Variants in DNAH7 observed in about 807,000 individuals in gnomAD.
DNAH7 encodes the protein axonemal beta dynein heavy chain 7.
In DNAH7, 397 loss-of-function variants were observed where a neutral mutation model predicts 444.6. The ratio of observed to expected loss-of-function variants is 0.89; its 90% CI spans 0.82 to 0.97. The LOEUF (loss-of-function observed/expected upper bound fraction) is 0.97. Ranked by LOEUF, DNAH7 falls within the 50% of genes least tolerant of loss-of-function variation. DNAH7 has a pLI of 0.00. For synonymous variants in DNAH7, 1,636 were observed against 1,624.4 expected (o/e 1.01, Z -0.17); for missense variants, 4,902 against 4,800.8 (o/e 1.02, Z -0.62).
chr2:195,844,793 C>T (rs1013063308), intron 47 of DNAH7, among the ~76,000 whole-genome samples: 1 of 152,110 alleles, frequency 6.6e-6, no homozygotes, highest in African/African-American at 2.4e-5. Context: ...AAGTACAAGT[C>T]ATCTGGTTCA....
intron 53 of DNAH7, among the ~76,000 whole-genome samples, chr2:195,807,658 C>A (rs1362253450): frequency 2.0e-5 from 3 of 152,026 alleles, no homozygotes; most frequent in African/African-American, 7.2e-5. Context: ...TAAAAAATCA[C>A]AAGAAGAGAG....
At chr2:195,819,342 C>T (rs1418153246) in intron 49 of DNAH7, among the ~76,000 whole-genome samples, 1 of 152,174 alleles carries the variant, frequency 6.6e-6, no homozygotes, top group Non-Finnish European at 1.5e-5. Context: ...GCACAGGGGT[C>T]GTCTCTTATT....
intron 14 of DNAH7, among the ~76,000 whole-genome samples, 174 bp downstream of exon 14, chr2:195,986,891 TA>T (rs1692946824): frequency 1.3e-5 from 2 of 152,222 alleles, no homozygotes; most frequent in African/African-American, 4.8e-5. Flanking sequence ...AAATAATAAA[TA>T]CTAATAATCA....
At chr2:196,064,867 T>G (rs921928589) in intron 1 of DNAH7, among the ~76,000 whole-genome samples, 11 of 152,192 alleles carry the variant, frequency 7.2e-5, no homozygotes, top group African/African-American at 4.8e-5. Flanking sequence ...GTTTCTCTAT[T>G]ACAAAAGATG....
intron 46 of DNAH7, among the ~76,000 whole-genome samples, chr2:195,851,757 T>G (rs1699378079): frequency 6.6e-6 from 1 of 152,170 alleles, no homozygotes; most frequent in African/African-American, 2.4e-5. Flanking sequence ...TCTGCTGAGC[T>G]CTGGAATGCT....
At chr2:195,837,421 T>C (rs1559133101) in intron 47 of DNAH7, among the ~76,000 whole-genome samples, 1 of 152,166 alleles carries the variant, frequency 6.6e-6, no homozygotes, top group Non-Finnish European at 1.5e-5. Flanking sequence ...AAACAACTAC[T>C]TACAGATTCT....
intron 3 of DNAH7, 142 bp downstream of exon 3, chr2:196,051,045 C>T (rs1697433608): frequency 1.5e-6 from 1 of 684,122 alleles, no homozygotes; most frequent in Admixed American, 2.3e-5. Flanking sequence ...GTTATTTGTC[C>T]TAATATGCAC....
rs544441683 is a variant in DNAH7 at position 195,943,908 on chromosome 2, G to A, written c.3079-7116C>T. Among the ~76,000 whole-genome samples, 4 of 152,226 alleles carry A rather than the reference G, an allele frequency of 2.6e-5. No individual in the cohort carries two copies. The South Asian group carries it at 6.2e-4, about 24-fold the overall frequency. On this transcript the variant is annotated intron_variant, in intron 19 of 64. Transcript: ENST00000312428. ...ACCATATAATTAAGTTCCTCCTTTTGCAGTTGCACCTGCTACTAAGCAATC... is the reference window on the plus strand; with the variant it reads ...ACCATATAATTAAGTTCCTCCTTTTACAGTTGCACCTGCTACTAAGCAATC...
intron 63 of DNAH7, 35 bp from the exon 64 acceptor site, chr2:195,740,904 G>C (rs778747438): frequency 2.3e-6 from 3 of 1,310,240 alleles, no homozygotes; most frequent in South Asian, 3.1e-5. Flanking sequence ...TATAACACTT[G>C]AAATATGCAT....
intron 45 of DNAH7, among the ~76,000 whole-genome samples, chr2:195,855,083 T>C (rs774359991): frequency 4.6e-5 from 7 of 152,240 alleles, no homozygotes; most frequent in Non-Finnish European, 8.8e-5. Context: ...TTGATCTTTC[T>C]GTTCTTTAGT....
chr2:195,817,069 A>T, intron 50 of DNAH7, 106 bp from the exon 51 acceptor site: 1 of 805,394 alleles, frequency 1.2e-6, no homozygotes, highest in South Asian at 2.0e-5. Context: ...AAAGAAATGC[A>T]TCACTTTGTG....
At chr2:195,936,112 G>A (rs1487324719) in intron 20 of DNAH7, among the ~76,000 whole-genome samples, 2 of 152,138 alleles carry the variant, frequency 1.3e-5, no homozygotes, top group Non-Finnish European at 2.9e-5. Context: ...GGTGGCTCAC[G>A]CCTGTAATCC....
At chr2:195,870,616 G>A (rs1700621633) in intron 40 of DNAH7, among the ~76,000 whole-genome samples, 1 of 152,178 alleles carries the variant, frequency 6.6e-6, no homozygotes, top group Admixed American at 6.5e-5. Flanking sequence ...TTGCAGTGGA[G>A]ACTCTGGGAG....
intron 24 of DNAH7, among the ~76,000 whole-genome samples, chr2:195,919,885 T>C (rs1191309204): frequency 6.6e-6 from 1 of 152,156 alleles, no homozygotes; most frequent in African/African-American, 2.4e-5. Flanking sequence ...AATGTAAATG[T>C]AAGTATCTAT....
At chr2:195,789,979 C>T (rs921393201) in intron 57 of DNAH7, among the ~76,000 whole-genome samples, 14 of 152,122 alleles carry the variant, frequency 9.2e-5, no homozygotes, top group African/African-American at 3.4e-4. Context: ...AGTAAAGTTT[C>T]AGAATACAAA....
At chr2:195,758,493 G>C (rs1398292112) in intron 61 of DNAH7, among the ~76,000 whole-genome samples, 1 of 152,106 alleles carries the variant, frequency 6.6e-6, no homozygotes, top group African/African-American at 2.4e-5. Context: ...GAGCAAGATG[G>C]CCAATAGAAG....
intron 39 of DNAH7, among the ~76,000 whole-genome samples, chr2:195,872,752 C>T (rs1700795444): frequency 6.6e-6 from 1 of 152,086 alleles, no homozygotes; most frequent in African/African-American, 2.4e-5. Context: ...ACAGAAGAGA[C>T]AGCCAAGGAA....
intron 61 of DNAH7, among the ~76,000 whole-genome samples, chr2:195,762,510 A>C (rs1033632523): frequency 6.6e-6 from 1 of 152,212 alleles, no homozygotes; most frequent in African/African-American, 2.4e-5. Context: ...ATAAAGATAC[A>C]TATAGACTGA....
In DNAH7 at chr2:195,941,451, C is replaced by CAAAAAA. The variant is rs1207029040; in HGVS notation, c.3079-4665_3079-4660dup. ...GGCTTAAAACCTAGAACCTAGATGACAAAAAAAAAAAAAAAAAACCTAGAT... is the reference window on the plus strand; with the variant it reads ...GGCTTAAAACCTAGAACCTAGATGACAAAAAAAAAAAAAAAAAAAAAAAACCTAGAT... On this transcript the variant is annotated intron_variant, in intron 19 of 64. Transcript: ENST00000312428. Among the ~76,000 whole-genome samples, 157 of 56,722 alleles carry CAAAAAA rather than the reference C, an allele frequency of 2.8e-3. 3 individuals are homozygous for CAAAAAA. Among genetic ancestry groups the CAAAAAA allele is most frequent in the African/African-American group, 6.3e-3 (116 of 18,556 alleles). The allele number at this position is 56,722 out of a possible 152,430, so 37.2% of individuals were successfully genotyped here.
Sources: gnomAD v4.1 joint callset for allele counts (sites outside exome capture counted in the v4.1 genomes callset) on GRCh38, gnomAD v4.1.1 for gene constraint, MANE v1.5 for transcripts, NCBI Gene and HGNC (gene_info 2026-07-23, HGNC 2026-07-21) for gene names.